The following DSTN variants were observed in gnomAD, a reference collection of about 807,000 sequenced individuals.
DSTN encodes destrin.
DSTN carries 10 observed loss-of-function variants against 16.8 expected under a neutral mutation model. The ratio of observed to expected loss-of-function variants is 0.60; its 90% confidence interval spans 0.37 to 1.01. The LOEUF is 1.01. Ranked by LOEUF, DSTN falls within the 50% of genes least tolerant of loss-of-function variation. DSTN has a pLI of 0.01. For synonymous variants in DSTN, 57 were observed against 58.9 expected, an observed-to-expected ratio of 0.97 and a Z score of 0.14; for missense variants, 141 against 196.7, an observed-to-expected ratio of 0.72 and a Z score of 1.69.
At chr20:17,570,882 A>G (rs1342252375) in intron 1 of DSTN, among the ~76,000 whole-genome samples, 1 of 152,034 alleles carries the variant, frequency 6.6e-6, no homozygotes, top group African/African-American at 2.4e-5. Context: ...TGTCTGTTTT[A>G]ACCCTTCCCT....
rs532861129 is a variant in DSTN, at chr20:17,609,633, G to C, written c.*2487G>C. On this transcript the variant is annotated 3_prime_UTR_variant, in exon 4 of 4. Transcript: ENST00000246069. The stretch of plus-strand genomic sequence containing the variant: ...ATAAAATGCTAGTAGTTAGTCTCTA[G>C]GGGAACTTTTGAGAAAGTCTCAGTG... The C allele has an allele frequency of 6.6e-6, 1 of 152,322 alleles. No individual in the cohort carries two copies. The highest frequency in any genetic ancestry group is 1.9e-4 in the East Asian group (1 of 5,184). The allele number at this position is 152,322 out of a possible 1,614,324, so 9.4% of individuals were successfully genotyped here.
chr20:17,582,452 GT>G (rs1163657602), intron 1 of DSTN, among the ~76,000 whole-genome samples: 1 of 152,094 alleles, frequency 6.6e-6, no homozygotes, highest in Non-Finnish European at 1.5e-5. Flanking sequence ...GATTTTATAC[GT>G]ATTATGATGA....
At chr20:17,596,836 G>A (rs1461197970) in intron 1 of DSTN, 1 of 982,790 alleles carries the variant, frequency 1.0e-6, no homozygotes, top group Non-Finnish European at 1.2e-6. Flanking sequence ...TTTTATAATT[G>A]CAGAATGCAC....
At chr20:17,605,688 C>G (rs2035634849) in intron 3 of DSTN, among the ~76,000 whole-genome samples, 1 of 152,192 alleles carries the variant, frequency 6.6e-6, no homozygotes, top group African/African-American at 2.4e-5. Flanking sequence ...CTTTTAAATC[C>G]TTTAGCTTCA....
intron 2 of DSTN, among the ~76,000 whole-genome samples, chr20:17,603,561 G>C (rs143902259): frequency 6.6e-6 from 1 of 152,248 alleles, no homozygotes; most frequent in Non-Finnish European, 1.5e-5. Flanking sequence ...ATGGGTTGGC[G>C]TACAGAGGAA....
chr20:17,590,582 T>TTA (rs1371787282), intron 1 of DSTN, among the ~76,000 whole-genome samples: 1 of 152,216 alleles, frequency 6.6e-6, no homozygotes, highest in Non-Finnish European at 1.5e-5. Flanking sequence ...AAAGCTCTTG[T>TTA]TATGATAGCA....
At chr20:17,594,611 A>G (rs894468444) in intron 1 of DSTN, among the ~76,000 whole-genome samples, 6 of 152,164 alleles carry the variant, frequency 3.9e-5, no homozygotes, top group African/African-American at 1.2e-4. Context: ...CAGCCAACTC[A>G]GCTTGCCAGG....
chr20:17,570,148 G>C lies in DSTN; in HGVS notation c.-61G>C, dbSNP rs1181872965. On this transcript the variant is annotated 5_prime_UTR_variant, in exon 1 of 4. Transcript: ENST00000246069. The stretch of plus-strand genomic sequence containing the variant: ...CGGTCCCGCAGCCGTGAGGAGGACG[G>C]TCTGCATACTCGCTGCCCGCCGGCT... The C allele has an allele frequency of 1.3e-6, 2 of 1,516,050 alleles. No individual in the cohort carries two copies. Among genetic ancestry groups the C allele is most frequent in the African/African-American group, 2.9e-5 (2 of 69,336 alleles). The allele number at this position is 1,516,050 out of a possible 1,614,324, so 93.9% of individuals were successfully genotyped here. A position where few individuals can be genotyped will look rare whatever the true frequency, so the allele number is the denominator to read the frequency against.
At chr20:17,586,280 T>A (rs2035407604) in intron 1 of DSTN, among the ~76,000 whole-genome samples, 1 of 152,220 alleles carries the variant, frequency 6.6e-6, no homozygotes, top group Non-Finnish European at 1.5e-5. Flanking sequence ...TGTGACTTGC[T>A]TTATTGCTAT....
rs2035661075 is a variant in DSTN, at chr20:17,608,089, G to A, written c.*943G>A. Reference sequence around the variant, plus strand: ...GTGCAATGGGGAGAGGTACCATGATGACACTCACAGGGAGCCACTGTTCAC... The same window carrying A: ...GTGCAATGGGGAGAGGTACCATGATAACACTCACAGGGAGCCACTGTTCAC... On this transcript the variant is annotated 3_prime_UTR_variant, in exon 4 of 4. Transcript: ENST00000246069. The A allele has an allele frequency of 6.6e-6, 1 of 152,196 alleles. No homozygotes were observed. The highest frequency in any genetic ancestry group is 6.5e-5 in the Admixed American group (1 of 15,270). 9.4% of individuals were successfully genotyped at this position (152,196 alleles called of 1,614,324 possible).
At position 17,601,061 on chromosome 20, in the gene DSTN, A is replaced by G; in HGVS notation, c.311+16A>G. ...TTTTTTTGTGGTAAGCATGTTAGAA[A>G]TATTGAGCCTCTGTAAAACTCATTT... On this transcript the variant is annotated intron_variant, in intron 2 of 3. Transcript: ENST00000246069. The G allele has an allele frequency of 1.3e-6, 2 of 1,573,066 alleles. No homozygotes were observed. The highest frequency in any genetic ancestry group is 1.7e-6 in the Non-Finnish European group (2 of 1,160,310).
chr20:17,577,217 G>A (rs1317521437), intron 1 of DSTN, among the ~76,000 whole-genome samples: 1 of 152,114 alleles, frequency 6.6e-6, no homozygotes, highest in African/African-American at 2.4e-5. Flanking sequence ...GCTTGGTACC[G>A]GAAGGTACTT....
intron 1 of DSTN, among the ~76,000 whole-genome samples, chr20:17,594,826 C>T (rs767505764): frequency 2.6e-5 from 4 of 152,174 alleles, no homozygotes; most frequent in Non-Finnish European, 5.9e-5. Flanking sequence ...GGAGGAGTTG[C>T]TAAGAACATC....
At chr20:17,607,011 A>G (rs1290677054) in intron 3 of DSTN, 26 bp from the exon 4 acceptor site, 1 of 1,608,356 alleles carries the variant, frequency 6.2e-7, no homozygotes, top group Non-Finnish European at 8.5e-7. Context: ...ATAATTGTAA[A>G]TAGAAGTGTT....
chr20:17,570,093 G>T lies in DSTN; in HGVS notation c.-116G>T. On this transcript the variant is annotated 5_prime_UTR_variant, in exon 1 of 4. Coordinates refer to ENST00000246069, the MANE Select transcript of DSTN (RefSeq NM_006870.4). ...CGCGCCCGCCCCGGGGTAAGCTCGCGCCGCCGCGTCAGCTCAGCGCTGGGT... is the reference window on the plus strand; with the variant it reads ...CGCGCCCGCCCCGGGGTAAGCTCGCTCCGCCGCGTCAGCTCAGCGCTGGGT... 6.9e-7 allele frequency: 1 copy of T among 1,458,532 alleles called. No homozygotes were observed. The highest frequency in any genetic ancestry group is 9.1e-7 in the Non-Finnish European group (1 of 1,104,088). The allele number at this position is 1,458,532 out of a possible 1,614,324, so 90.3% of individuals were successfully genotyped here.
intron 1 of DSTN, among the ~76,000 whole-genome samples, chr20:17,583,031 G>A (rs1159292227): frequency 6.6e-6 from 1 of 152,158 alleles, no homozygotes; most frequent in Non-Finnish European, 1.5e-5. Flanking sequence ...CCACTTGTTT[G>A]GGCAAAGGAT....
Position 17,570,247 on chromosome 20 carries a change from G to A in DSTN, c.3+36G>A. On this transcript the variant is annotated intron_variant, in intron 1 of 3. Transcript: ENST00000246069. ...GGGAGGCCGAGGCGTGGGCCGAGGCGGCCGGGAGCAGTGTGTCTCTGGGGC... is the reference window on the plus strand; with the variant it reads ...GGGAGGCCGAGGCGTGGGCCGAGGCAGCCGGGAGCAGTGTGTCTCTGGGGC... The A allele has an allele frequency of 2.0e-6, 3 of 1,484,968 alleles. No homozygotes were observed. In the South Asian group the frequency reaches 3.8e-5, roughly 19 times the overall value. The allele number at this position is 1,484,968 out of a possible 1,614,324, so 92.0% of individuals were successfully genotyped here.
At chr20:17,591,734 G>C (rs1269334635) in intron 1 of DSTN, among the ~76,000 whole-genome samples, 2 of 152,134 alleles carry the variant, frequency 1.3e-5, no homozygotes, top group Non-Finnish European at 1.5e-5. Flanking sequence ...ACTCCCCTAA[G>C]TACAGTTAAA....
intron 1 of DSTN, among the ~76,000 whole-genome samples, chr20:17,591,413 C>A (rs1459115490): frequency 6.6e-6 from 1 of 151,604 alleles, no homozygotes; most frequent in Non-Finnish European, 1.5e-5. Context: ...GGCCCATAGG[C>A]TTTGCCAGGA....
Sources: allele counts gnomAD v4.1 joint callset (sites outside exome capture counted in the v4.1 genomes callset), GRCh38; gene constraint gnomAD v4.1.1; transcripts MANE v1.5; gene names NCBI Gene and HGNC (gene_info 2026-07-23, HGNC 2026-07-21).